ADGRL3: variants seen among roughly 807,000 people sequenced by gnomAD.
ADGRL3 encodes adhesion G protein-coupled receptor L3, also known as calcium-independent alpha-latrotoxin receptor 3.
A neutral mutation model predicts 153.5 loss-of-function variants in ADGRL3; 62 were observed. The ratio of observed to expected loss-of-function variants is 0.40; its 90% confidence interval spans 0.33 to 0.50. ADGRL3 has a LOEUF of 0.50. ADGRL3 is among the 20% of genes least tolerant of loss of function. The pLI is 0.47. For missense variants in ADGRL3, 1,641 were observed against 1,859.4 expected (o/e 0.88, Z 2.16); for synonymous variants, 710 against 672.5 (o/e 1.06, Z -0.86).
intron 2 of ADGRL3, among the ~76,000 whole-genome samples, chr4:61,403,339 G>A (rs141366553): frequency 2.0e-5 from 3 of 152,070 alleles, no homozygotes; most frequent in East Asian, 3.9e-4. Context: ...GGAACTGAAC[G>A]TCCTACCATC....
At chr4:61,612,654 T>C (rs2091510847) in intron 5 of ADGRL3, among the ~76,000 whole-genome samples, 1 of 152,182 alleles carries the variant, frequency 6.6e-6, no homozygotes, top group Admixed American at 6.5e-5. Flanking sequence ...AATCACTCCC[T>C]TTTTATCATT....
rs1409885948 is a variant in ADGRL3 at position 62,072,911 on chromosome 4, A to T, written c.*2003A>T. 6.6e-6 allele frequency: 1 copy of T among 152,152 alleles called. No individual in the cohort carries two copies. The highest frequency in any genetic ancestry group is 1.5e-5 in the Non-Finnish European group (1 of 68,022). The allele number at this position is 152,152 out of a possible 1,614,324, so 9.4% of individuals were successfully genotyped here. On this transcript the variant is annotated 3_prime_UTR_variant, in exon 27 of 27. Transcript: ENST00000683033. ...AGAATATTCATTTTATAAAGATATA[A>T]TAAGACTTTTATTGTGTTTTTTTCT...
chr4:61,496,876 G>A (rs1224026341), intron 2 of ADGRL3, among the ~76,000 whole-genome samples: 1 of 151,446 alleles, frequency 6.6e-6, no homozygotes, highest in African/African-American at 2.4e-5. Flanking sequence ...GGGAGGCGGA[G>A]CTTGCAGTGA....
chr4:61,988,128 A>G (rs995008423), intron 19 of ADGRL3, among the ~76,000 whole-genome samples: 2 of 152,114 alleles, frequency 1.3e-5, no homozygotes, highest in South Asian at 2.1e-4. Flanking sequence ...ATTATTATGT[A>G]TAAAACACAT....
rs554011164 is a variant in ADGRL3 at position 61,281,205 on chromosome 4, T to C, written c.-240+79440T>C. The stretch of plus-strand genomic sequence containing the variant: ...AGGTAATAGTTTTTTTTTAAGAGAG[T>C]AGCCATTTTTAAAAGGTAGTACCGA... On this transcript the variant is annotated intron_variant, in intron 1 of 26. Transcript: ENST00000683033. Among the ~76,000 whole-genome samples the C allele has an allele frequency of 9.2e-5, 14 of 152,026 alleles. No individual in the cohort carries two copies. In the East Asian group the frequency reaches 2.1e-3, roughly 23 times the overall value.
At chr4:61,343,937 C>T (rs1364876757) in intron 1 of ADGRL3, among the ~76,000 whole-genome samples, 2 of 152,152 alleles carry the variant, frequency 1.3e-5, no homozygotes, top group Non-Finnish European at 1.5e-5. Flanking sequence ...TATAACTTCA[C>T]TTTATGTGCT....
intron 2 of ADGRL3, among the ~76,000 whole-genome samples, chr4:61,432,945 G>T (rs564892277): frequency 6.6e-6 from 1 of 151,834 alleles, no homozygotes; most frequent in South Asian, 2.1e-4. Context: ...GAGCCACTGC[G>T]CCAGGCCACT....
intron 25 of ADGRL3, among the ~76,000 whole-genome samples, chr4:62,047,778 T>C (rs1731898919): frequency 6.6e-6 from 1 of 152,188 alleles, no homozygotes; most frequent in Non-Finnish European, 1.5e-5. Flanking sequence ...TCAAATATTT[T>C]TCTCCAGCCA....
intron 21 of ADGRL3, among the ~76,000 whole-genome samples, chr4:62,008,980 A>G (rs1294081200): frequency 6.6e-6 from 1 of 152,156 alleles, no homozygotes; most frequent in Non-Finnish European, 1.5e-5. Context: ...GTAACATGCT[A>G]TACAAGTTTA....
chr4:61,544,829 CTT>C (rs779188614), intron 4 of ADGRL3, among the ~76,000 whole-genome samples: 3 of 152,136 alleles, frequency 2.0e-5, no homozygotes, highest in Non-Finnish European at 2.9e-5. Context: ...TTCATAAACT[CTT>C]TATTCTCTTT....
chr4:61,786,698 C>T (rs908930764), intron 8 of ADGRL3, among the ~76,000 whole-genome samples: 9 of 151,968 alleles, frequency 5.9e-5, no homozygotes, highest in African/African-American at 2.2e-4. Context: ...TAGCTCTTAC[C>T]CCATAGATGA....
chr4:61,809,928 T>G (rs1487965308), intron 8 of ADGRL3, among the ~76,000 whole-genome samples: 1 of 152,156 alleles, frequency 6.6e-6, no homozygotes, highest in Non-Finnish European at 1.5e-5. Context: ...TCAGTGTTGT[T>G]ATAATCCTCA....
At chr4:61,581,504 A>G (rs953728753) in intron 4 of ADGRL3, among the ~76,000 whole-genome samples, 2 of 152,100 alleles carry the variant, frequency 1.3e-5, no homozygotes, top group Non-Finnish European at 2.9e-5. Context: ...CTTGACTACA[A>G]TGTGAATGCT....
chr4:61,419,623 C>T (rs1274332952), intron 2 of ADGRL3, among the ~76,000 whole-genome samples: 2 of 152,138 alleles, frequency 1.3e-5, no homozygotes, highest in Non-Finnish European at 2.9e-5. Context: ...CAGACAGTGG[C>T]CCCTGGAAAT....
intron 25 of ADGRL3, among the ~76,000 whole-genome samples, chr4:62,066,867 C>G (rs1743245799): frequency 6.6e-6 from 1 of 152,028 alleles, no homozygotes; most frequent in African/African-American, 2.4e-5. Flanking sequence ...AGACTTTTTT[C>G]TGATCCCAGT....
At chr4:61,853,674 A>C (rs978363792) in intron 9 of ADGRL3, among the ~76,000 whole-genome samples, 3 of 152,196 alleles carry the variant, frequency 2.0e-5, no homozygotes, top group Non-Finnish European at 4.4e-5. Context: ...CAAGAGTGTT[A>C]CCTGAAAGCT....
intron 4 of ADGRL3, among the ~76,000 whole-genome samples, chr4:61,552,842 G>A (rs891277016): frequency 3.3e-5 from 5 of 152,164 alleles, no homozygotes; most frequent in African/African-American, 1.2e-4. Flanking sequence ...TTGCTTCCCT[G>A]TCTAGCTTAT....
At chr4:61,439,120 AC>A (rs2152457683) in intron 2 of ADGRL3, among the ~76,000 whole-genome samples, 1 of 152,264 alleles carries the variant, frequency 6.6e-6, no homozygotes, top group East Asian at 1.9e-4. Flanking sequence ...ACTCATGAAA[AC>A]ATCATCATGT....
chr4:61,905,802 T>A (rs2098692772), intron 11 of ADGRL3, among the ~76,000 whole-genome samples: 1 of 151,042 alleles, frequency 6.6e-6, no homozygotes, highest in Non-Finnish European at 1.5e-5. Context: ...GACCAAGGCA[T>A]GAGAATCACT....
Sources: gnomAD v4.1 joint callset for allele counts (sites outside exome capture counted in the v4.1 genomes callset) on GRCh38, gnomAD v4.1.1 for gene constraint, MANE v1.5 for transcripts, NCBI Gene and HGNC (gene_info 2026-07-23, HGNC 2026-07-21) for gene names.